Variants in PRR16 observed in about 807,000 individuals in gnomAD.
PRR16 encodes proline rich 16, also known as protein Largen.
A neutral mutation model predicts 18.2 loss-of-function variants in PRR16; 6 were observed. The observed-to-expected ratio is 0.33, with a 90% confidence interval of 0.18 to 0.65. The LOEUF is 0.65. PRR16 is among the 30% of genes least tolerant of loss of function. The pLI is 0.74. For missense variants in PRR16, 412 were observed against 376.6 expected (o/e 1.09, Z -0.78); for synonymous variants, 151 against 147.8 (o/e 1.02, Z -0.16).
rs1481285186 is a variant in PRR16 at position 120,616,976 on chromosome 5, C to T, written c.160-68978C>T. ...TAATTTCCATCAGTATATCCTATTC[C>T]TTCATGACGAATGCCTCCCCATCCA... On this transcript the variant is annotated intron_variant, in intron 1 of 1. Coordinates refer to ENST00000407149, the MANE Select transcript of PRR16 (RefSeq NM_001300783.2). 9 of 243,902 alleles carry T rather than the reference C, an allele frequency of 3.7e-5. No homozygotes were observed. The East Asian group carries it at 1.6e-3, about 44-fold the overall frequency. 15.1% of individuals were successfully genotyped at this position (243,902 alleles called of 1,614,324 possible). A position where few individuals can be genotyped will look rare whatever the true frequency, so the allele number is the denominator to read the frequency against.
At chr5:120,747,068 C>T in the PRR16 span, among the ~76,000 whole-genome samples, 2 of 152,248 alleles carry the variant, frequency 1.3e-5, no homozygotes, top group Non-Finnish European at 2.9e-5. Context: ...TTTCGTTATT[C>T]GCTGTTGAAG....
chr5:120,677,857 T>C (rs910999608), intron 1 of PRR16, among the ~76,000 whole-genome samples: 91 of 151,594 alleles, frequency 6.0e-4, no homozygotes, highest in African/African-American at 2.2e-3. Flanking sequence ...ATACTTAAAC[T>C]CTCTTAGTTG....
chr5:120,669,235 G>A (rs898000470), intron 1 of PRR16, among the ~76,000 whole-genome samples: 6 of 152,016 alleles, frequency 3.9e-5, no homozygotes, highest in Admixed American at 2.6e-4. Context: ...TTGAATATCT[G>A]TAAATTTCAC....
At chr5:120,784,754 C>G in the PRR16 span, among the ~76,000 whole-genome samples, 1 of 152,166 alleles carries the variant, frequency 6.6e-6, no homozygotes, top group East Asian at 1.9e-4. Context: ...TTGCTCAACT[C>G]TCTATTATAG....
At chr5:120,613,702 C>T (rs1339258334) in intron 1 of PRR16, among the ~76,000 whole-genome samples, 1 of 152,090 alleles carries the variant, frequency 6.6e-6, no homozygotes, top group Non-Finnish European at 1.5e-5. Flanking sequence ...TTTTAAAATA[C>T]TTTTCCTTTA....
intron 1 of PRR16, among the ~76,000 whole-genome samples, chr5:120,512,526 G>A (rs1458988315): frequency 1.3e-5 from 2 of 152,092 alleles, no homozygotes; most frequent in Admixed American, 1.3e-4. Flanking sequence ...GGTGGTTTCT[G>A]GCGGCATAGA....
chr5:120,625,058 G>A (rs999229433), intron 1 of PRR16, among the ~76,000 whole-genome samples: 1 of 152,158 alleles, frequency 6.6e-6, no homozygotes, highest in Non-Finnish European at 1.5e-5. Flanking sequence ...AAATTGCCCA[G>A]TCTTGCATAT....
intron 1 of PRR16, among the ~76,000 whole-genome samples, chr5:120,499,679 A>G (rs1324500005): frequency 1.3e-5 from 2 of 151,058 alleles, no homozygotes; most frequent in Non-Finnish European, 2.9e-5. Context: ...CAACATGTTT[A>G]TAATTATTCT....
chr5:120,563,981 G>C (rs1279591159), intron 1 of PRR16, among the ~76,000 whole-genome samples: 3 of 152,120 alleles, frequency 2.0e-5, no homozygotes, highest in Admixed American at 6.5e-5. Context: ...ATCCTGCCGG[G>C]ACTGTCGTCT....
chr5:120,756,556 G>A, the PRR16 span, among the ~76,000 whole-genome samples: 1 of 150,522 alleles, frequency 6.6e-6, no homozygotes, highest in Non-Finnish European at 1.5e-5. Context: ...GTAATGTGGA[G>A]CATTTTTTTT....
chr5:120,747,465 T>C, the PRR16 span, among the ~76,000 whole-genome samples: 1 of 152,180 alleles, frequency 6.6e-6, no homozygotes, highest in Non-Finnish European at 1.5e-5. Context: ...AGCTTCATCC[T>C]TTAGAAAATG....
At chr5:120,792,852 T>C in the PRR16 span, among the ~76,000 whole-genome samples, 1 of 152,154 alleles carries the variant, frequency 6.6e-6, no homozygotes, top group Non-Finnish European at 1.5e-5. Context: ...TGCTAAATTC[T>C]ATAAAGAAAA....
chr5:120,751,195 G>A, the PRR16 span, among the ~76,000 whole-genome samples: 86,003 of 151,944 alleles, frequency 0.57, 24,477 homozygotes, highest in East Asian at 0.79. Context: ...TTGATCGATG[G>A]GCACTTAGGT....
intron 1 of PRR16, among the ~76,000 whole-genome samples, chr5:120,622,567 C>A (rs1213036486): frequency 1.3e-5 from 2 of 152,096 alleles, no homozygotes; most frequent in African/African-American, 4.8e-5. Flanking sequence ...CAACCTCCAC[C>A]TCCTGGGTTT....
At chr5:120,553,143 TA>T (rs900109992) in intron 1 of PRR16, among the ~76,000 whole-genome samples, 2 of 150,798 alleles carry the variant, frequency 1.3e-5, no homozygotes, top group East Asian at 1.9e-4. Flanking sequence ...TTTGAGGATA[TA>T]AAAAAAAAGC....
the PRR16 span, among the ~76,000 whole-genome samples, chr5:120,707,173 GC>G: frequency 1.7e-4 from 26 of 152,276 alleles, 1 homozygote; most frequent in Middle Eastern, 0.01. Context: ...ATTTAGAAGG[GC>G]TTAGGGGGCT....
At chr5:120,525,001 G>T (rs892993920) in intron 1 of PRR16, among the ~76,000 whole-genome samples, 2 of 152,036 alleles carry the variant, frequency 1.3e-5, no homozygotes, top group Non-Finnish European at 2.9e-5. Flanking sequence ...GTTTCTTATA[G>T]TAGGTCTTTC....
chr5:120,731,415 T>C, the PRR16 span, among the ~76,000 whole-genome samples: 2 of 152,164 alleles, frequency 1.3e-5, no homozygotes, highest in African/African-American at 4.8e-5. Flanking sequence ...ATCTGGCTTG[T>C]ACCACCTCAT....
chr5:120,593,219 T>C (rs1239603102), intron 1 of PRR16, among the ~76,000 whole-genome samples: 3 of 151,592 alleles, frequency 2.0e-5, no homozygotes, highest in Admixed American at 6.6e-5. Context: ...GATGAAGAAA[T>C]CTAGAATTGA....
Sources: gnomAD v4.1 joint callset for allele counts (sites outside exome capture counted in the v4.1 genomes callset) on GRCh38, gnomAD v4.1.1 for gene constraint, MANE v1.5 for transcripts, NCBI Gene and HGNC (gene_info 2026-07-23, HGNC 2026-07-21) for gene names.